The following KALRN variants were observed in gnomAD, a reference collection of about 807,000 sequenced individuals.
KALRN encodes the protein kalirin.
In KALRN, 70 loss-of-function variants were observed where a neutral mutation model predicts 353.7. The ratio of observed to expected loss-of-function variants is 0.20; its 90% confidence interval spans 0.16 to 0.24. KALRN has a LOEUF of 0.24. KALRN is among the 10% of genes least tolerant of loss of function. The pLI is 1.00. For missense variants in KALRN, 2,791 were observed against 3,756.7 expected (o/e 0.74, Z 6.72); for synonymous variants, 1,391 against 1,434.8 (o/e 0.97, Z 0.69).
At position 124,439,200 on chromosome 3, in the gene KALRN, T is replaced by TCACACA. The variant is rs376221553; in HGVS notation, c.3198+195_3198+200dup. On this transcript the variant is annotated intron_variant, in intron 18 of 59. Coordinates refer to ENST00000682506, the MANE Select transcript of KALRN (RefSeq NM_001388419.1). ...TCCTTCTTCTCCTTCTCTCTCTCTC[T>TCACACA]CACACACACACACACACACACACAC... 8.4e-4 allele frequency among the ~76,000 whole-genome samples: 83 copies of TCACACA among 98,960 alleles called. 1 individual carries two copies. Among genetic ancestry groups the TCACACA allele is most frequent in the South Asian group, 5.4e-3 (13 of 2,412 alleles). 64.9% of individuals were successfully genotyped at this position (98,960 alleles called of 152,430 possible). A position where few individuals can be genotyped will look rare whatever the true frequency, so the allele number is the denominator to read the frequency against.
At chr3:124,430,589 G>A in intron 15 of KALRN, 67 bp from the exon 16 acceptor site, 1 of 1,585,082 alleles carries the variant, frequency 6.3e-7, no homozygotes, top group Non-Finnish European at 8.6e-7. Flanking sequence ...GTCCCCATGA[G>A]AGGAGGCAAC....
At position 124,298,472 on chromosome 3, in the gene KALRN, C is replaced by T. The variant is rs57659286; in HGVS notation, c.970-319C>T. Among the ~76,000 whole-genome samples, 1,045 of 152,290 alleles carry T rather than the reference C, an allele frequency of 6.9e-3. 8 individuals carry two copies. Among genetic ancestry groups the T allele is most frequent in the African/African-American group, 0.022 (918 of 41,568 alleles). ...AGCCTCCCAGCTTGTCTCCTCAGCA[C>T]CTGTCCCTAAAGCAAGCATGCTGGT... is the stretch of plus-strand genomic sequence containing the variant. On this transcript the variant is annotated intron_variant, in intron 5 of 59. Transcript: ENST00000682506.
At chr3:124,670,352 G>A (rs376684388) in intron 47 of KALRN, among the ~76,000 whole-genome samples, 2 of 152,220 alleles carry the variant, frequency 1.3e-5, no homozygotes, top group South Asian at 4.1e-4. Flanking sequence ...ACAGTGGGCT[G>A]ACTGTATTAC....
At chr3:124,712,508 G>A (rs371550654) in intron 57 of KALRN, among the ~76,000 whole-genome samples, 80 of 151,840 alleles carry the variant, frequency 5.3e-4, no homozygotes, top group African/African-American at 1.9e-3. Context: ...AATTACATTA[G>A]TTAGGCCAGG....
At position 124,468,022 on chromosome 3, in the gene KALRN, G is replaced by A. The variant is rs181241121; in HGVS notation, c.4031+5389G>A. Among the ~76,000 whole-genome samples the A allele has an allele frequency of 1.4e-3, 218 of 151,894 alleles. 1 individual carries two copies. Among genetic ancestry groups the A allele is most frequent in the Non-Finnish European group, 3.8e-4 (26 of 67,912 alleles). ...GAAAGAGGCCCTAGGGAAAGGGGAG[G>A]GGATGAGGAGAAGGAGATCGAGGGA... On this transcript the variant is annotated intron_variant, in intron 25 of 59. Coordinates refer to ENST00000682506, the MANE Select transcript of KALRN (RefSeq NM_001388419.1).
chr3:124,682,179 G>A (rs1202395347), intron 51 of KALRN, among the ~76,000 whole-genome samples: 1 of 152,134 alleles, frequency 6.6e-6, no homozygotes, highest in South Asian at 2.1e-4. Flanking sequence ...GAAGAGAGAG[G>A]CTATACCTTA....
intron 34 of KALRN, among the ~76,000 whole-genome samples, chr3:124,599,645 T>C (rs2076611476): frequency 6.6e-6 from 1 of 152,232 alleles, no homozygotes; most frequent in Non-Finnish European, 1.5e-5. Context: ...ATTTGGGACG[T>C]TGTACTCAGT....
intron 1 of KALRN, among the ~76,000 whole-genome samples, chr3:124,074,391 A>T (rs190345826): frequency 6.6e-6 from 1 of 152,358 alleles, no homozygotes; most frequent in East Asian, 1.9e-4. Context: ...GTCAGGGTTT[A>T]ACCAAATTCA....
intron 1 of KALRN, among the ~76,000 whole-genome samples, chr3:124,202,122 A>G (rs1207674426): frequency 6.6e-6 from 1 of 152,218 alleles, no homozygotes; most frequent in Admixed American, 6.5e-5. Flanking sequence ...ATGAAATTTT[A>G]TGTGCTTGGC....
chr3:124,423,526 T>A (rs1214100256), intron 15 of KALRN, among the ~76,000 whole-genome samples: 2 of 152,256 alleles, frequency 1.3e-5, no homozygotes, highest in Non-Finnish European at 2.9e-5. Flanking sequence ...AGGCATTTTA[T>A]GCTAGATCTC....
chr3:124,336,236 G>A (rs1419531463), intron 9 of KALRN, among the ~76,000 whole-genome samples: 1 of 152,150 alleles, frequency 6.6e-6, no homozygotes, highest in Non-Finnish European at 1.5e-5. Flanking sequence ...TGATGTGCTG[G>A]CTGCAGTTCT....
intron 1 of KALRN, among the ~76,000 whole-genome samples, chr3:124,207,841 G>A (rs923398679): frequency 3.3e-5 from 5 of 152,192 alleles, no homozygotes; most frequent in Admixed American, 1.3e-4. Context: ...AAAGTCCCAC[G>A]AAAGCAGCAA....
chr3:124,419,103 A>C (rs996082794), intron 14 of KALRN, among the ~76,000 whole-genome samples: 1 of 151,884 alleles, frequency 6.6e-6, no homozygotes, highest in African/African-American at 2.4e-5. Flanking sequence ...GCTGAGTCTG[A>C]TGTGAGGCAG....
chr3:124,335,778 A>C (rs1297144944), intron 9 of KALRN, among the ~76,000 whole-genome samples: 1 of 152,212 alleles, frequency 6.6e-6, no homozygotes, highest in Non-Finnish European at 1.5e-5. Context: ...ATACATATAA[A>C]ATAACAATTC....
intron 10 of KALRN, among the ~76,000 whole-genome samples, chr3:124,365,944 TTC>T (rs1157948863): frequency 6.6e-6 from 1 of 152,254 alleles, no homozygotes; most frequent in Non-Finnish European, 1.5e-5. Flanking sequence ...TGTTTCTTAC[TTC>T]TGATGGCTGA....
At chr3:124,561,633 A>AT (rs1477711839) in intron 33 of KALRN, among the ~76,000 whole-genome samples, 6 of 152,212 alleles carry the variant, frequency 3.9e-5, no homozygotes, top group African/African-American at 1.4e-4. Context: ...AAGTGCACTA[A>AT]TATGGCCACT....
At chr3:124,235,945 C>T (rs971692744) in intron 3 of KALRN, among the ~76,000 whole-genome samples, 1 of 152,112 alleles carries the variant, frequency 6.6e-6, no homozygotes, top group African/African-American at 2.4e-5. Flanking sequence ...GTTCTTGAAG[C>T]AGGTGTTGAG....
At chr3:124,237,374 T>C (rs1325869673) in intron 3 of KALRN, among the ~76,000 whole-genome samples, 2 of 151,560 alleles carry the variant, frequency 1.3e-5, no homozygotes, top group Non-Finnish European at 2.9e-5. Flanking sequence ...TGCTTTTTTT[T>C]TTTTTTGAGA....
At chr3:124,705,877 TTC>T (rs139555597) in intron 57 of KALRN, among the ~76,000 whole-genome samples, 2 of 145,038 alleles carry the variant, frequency 1.4e-5, no homozygotes, top group Non-Finnish European at 3.0e-5. Flanking sequence ...TCCTCCCTCT[TTC>T]TCTCTCTCTC....
Sources: allele counts gnomAD v4.1 joint callset (sites outside exome capture counted in the v4.1 genomes callset), GRCh38; gene constraint gnomAD v4.1.1; transcripts MANE v1.5; gene names NCBI Gene and HGNC (gene_info 2026-07-23, HGNC 2026-07-21).